RAF1: variants seen among roughly 807,000 people sequenced by gnomAD.
RAF1 encodes the protein Raf-1 proto-oncogene, serine/threonine kinase.
RAF1 carries 27 observed loss-of-function variants against 81.1 expected under a neutral mutation model. That is an observed-to-expected ratio of 0.33 (90% CI 0.25 to 0.46). The LOEUF is 0.46. RAF1 is among the 20% of genes least tolerant of loss of function. The pLI is 1.00. For synonymous variants in RAF1, 298 were observed against 294.0 expected (o/e 1.01, Z -0.14); for missense variants, 598 against 826.0 (o/e 0.72, Z 3.38).
chr3:12,590,750 A>G (rs1024096175), intron 13 of RAF1, 48 bp downstream of exon 12: 15 of 1,555,676 alleles, frequency 9.6e-6, no homozygotes, highest in Non-Finnish European at 1.3e-5. Flanking sequence ...CAATTTAGGG[A>G]CAAATTTGAT....
chr3:12,635,841 C>G (rs796857473), intron 1 of RAF1, among the ~76,000 whole-genome samples: 1 of 149,438 alleles, frequency 6.7e-6, no homozygotes, highest in African/African-American at 2.5e-5. Context: ...GGCGTGGTGG[C>G]AGGCACCTGT....
intron 1 of RAF1, among the ~76,000 whole-genome samples, chr3:12,639,517 A>G (rs1240114401): frequency 6.6e-6 from 1 of 152,226 alleles, no homozygotes; most frequent in Non-Finnish European, 1.5e-5. Flanking sequence ...AGGCAACTTC[A>G]GCAAAGTCTC....
chr3:12,593,900 G>A (rs1294265286), intron 11 of RAF1, among the ~76,000 whole-genome samples: 1 of 151,684 alleles, frequency 6.6e-6, no homozygotes, highest in South Asian at 2.1e-4. Context: ...AAGCAGCTGG[G>A]ACTACAGGTG....
chr3:12,627,021 CAAAAA>C (rs34692000), intron 1 of RAF1, among the ~76,000 whole-genome samples: 1 of 77,018 alleles, frequency 1.3e-5, no homozygotes. Context: ...GACTCTGTCT[CAAAAA>C]AAAAAAAAAA....
rs727503384 is a variant in RAF1, at chr3:12,611,985, G to A, written c.285C>T (p.Cys95=). The A allele has an allele frequency of 6.2e-7, 1 of 1,614,138 alleles. No homozygotes were observed. The highest frequency in any genetic ancestry group is 8.5e-7 in the Non-Finnish European group (1 of 1,180,004). Residue 95 remains cysteine (C), a synonymous_variant, in exon 3 of 18, where the codon TGC becomes TGT. Transcript: ENST00000442415. ...CGTGGAGAAGTCTGAACACTGCACA[G>A]CACTCTGGTTGCAGGCCCCTCACCT...
chr3:12,661,207 A>T (rs1015871362), intron 1 of RAF1, among the ~76,000 whole-genome samples: 9 of 152,242 alleles, frequency 5.9e-5, no homozygotes, highest in African/African-American at 1.9e-4. Flanking sequence ...ATAAACATTA[A>T]TCACAATATT....
At position 12,663,900 on chromosome 3, in the gene RAF1, A is replaced by T. The variant is rs2060966473; in HGVS notation, c.-114T>A. On this transcript the variant is annotated 5_prime_UTR_variant, in exon 1 of 18. Transcript: ENST00000442415. ...TCCCCGCGGCGGGTGAGGGAGCGGG[A>T]GGCGGTCACATTCGGCGCGTCCCCA... The T allele has an allele frequency of 2.5e-6, 1 of 397,944 alleles. No individual in the cohort carries two copies. Among genetic ancestry groups the T allele is most frequent in the Non-Finnish European group, 4.4e-6 (1 of 225,702 alleles). The allele number at this position is 397,944 out of a possible 1,614,324, so 24.7% of individuals were successfully genotyped here.
chr3:12,650,206 C>T (rs922851095), intron 1 of RAF1, among the ~76,000 whole-genome samples: 7 of 149,350 alleles, frequency 4.7e-5, no homozygotes, highest in Admixed American at 1.3e-4. Context: ...TGCCTACAGT[C>T]CCAGCTACTC....
chr3:12,618,662 G>C lies in RAF1; in HGVS notation c.60C>G (p.Ala20=), dbSNP rs755869970. ...AGATGCAGCTGGAGCCATCAAACAC[G>C]GCATCTTTGAATCCAAAACCATTGC... The change falls in exon 2 of 18, where the codon GCC becomes GCG. Residue 20 remains alanine (A), a synonymous_variant. Transcript: ENST00000442415. The C allele has an allele frequency of 1.9e-6, 3 of 1,613,968 alleles. No homozygotes were observed. Among genetic ancestry groups the C allele is most frequent in the Admixed American group, 3.3e-5 (2 of 59,970 alleles).
Position 12,655,010 on chromosome 3 carries a change from C to G in RAF1, c.-27+8803G>C, listed in dbSNP as rs189329575. 4.7e-3 allele frequency among the ~76,000 whole-genome samples: 708 copies of G among 149,348 alleles called. 15 individuals carry two copies. The highest frequency in any genetic ancestry group is 0.016 in the African/African-American group (656 of 40,960). On this transcript the variant is annotated intron_variant, in intron 1 of 17. Transcript: ENST00000442415. ...GGTAAACATAGTGAGACCCCCCCCC[C>G]GCCATCTCTAAAATAGTAAAAATAA...
rs1559434035 is a variant in RAF1, at chr3:12,609,214, G to T, written c.423+19C>A. The T allele has an allele frequency of 6.4e-7, 1 of 1,565,244 alleles. No individual in the cohort carries two copies. The highest frequency in any genetic ancestry group is 1.1e-5 in the South Asian group (1 of 89,988). On this transcript the variant is annotated intron_variant, in intron 4 of 17. Coordinates refer to ENST00000442415, the MANE Select transcript of RAF1 (RefSeq NM_001354689.3). ...CAAAGCCCTCAACATGCCAGAAAGA[G>T]AAGAGATCTGCAACTTACAAAGTTG...
chr3:12,663,333 T>C (rs1006657627), intron 1 of RAF1, among the ~76,000 whole-genome samples: 7 of 152,172 alleles, frequency 4.6e-5, no homozygotes, highest in Non-Finnish European at 1.0e-4. Flanking sequence ...CCTGTGCCTT[T>C]GTGGTAGGGC....
In RAF1 at chr3:12,584,533, G is replaced by T. The variant is rs1382398408; in HGVS notation, c.1988C>A (p.Pro663Gln). Residue 663 changes from proline to glutamine, a missense_variant, in exon 18 of 18, where the codon CCG (proline) becomes CAG (glutamine). Physicochemically the swap from Pro to Gln is moderately conservative, Grantham distance 76. Around this residue, in one of 5 missense-constraint regions of RAF1, gnomAD observed 147 missense variants for 196.1 expected, o/e 0.75. Transcript: ENST00000442415. The stretch of plus-strand genomic sequence containing the variant: ...AGTCAACTAGAAGACAGGCAGCCTC[G>T]GGGACGTGGTCAGCGTGCAAGCATT... The T allele has an allele frequency of 6.2e-7, 1 of 1,614,158 alleles. No individual in the cohort carries two copies. The highest frequency in any genetic ancestry group is 8.5e-7 in the Non-Finnish European group (1 of 1,180,032).
At chr3:12,636,736 G>A (rs908766494) in intron 1 of RAF1, among the ~76,000 whole-genome samples, 1 of 152,028 alleles carries the variant, frequency 6.6e-6, no homozygotes, top group Non-Finnish European at 1.5e-5. Flanking sequence ...GAGCCTGGGA[G>A]GTGGAGGCTG....
At chr3:12,651,645 C>T (rs1249599817) in intron 1 of RAF1, among the ~76,000 whole-genome samples, 2 of 133,532 alleles carry the variant, frequency 1.5e-5, no homozygotes, top group Non-Finnish European at 3.3e-5. Flanking sequence ...TAGAGCGAGA[C>T]TTGGTCTCAA....
intron 1 of RAF1, among the ~76,000 whole-genome samples, chr3:12,625,485 T>C (rs956241864): frequency 1.3e-5 from 2 of 152,198 alleles, no homozygotes; most frequent in Non-Finnish European, 2.9e-5. Flanking sequence ...AATCTAATAG[T>C]ATCTATTAAC....
chr3:12,654,267 C>A (rs1260526124), intron 1 of RAF1, among the ~76,000 whole-genome samples: 1 of 151,420 alleles, frequency 6.6e-6, no homozygotes, highest in East Asian at 2.0e-4. Flanking sequence ...GGATTATAGG[C>A]ATGAGCCACA....
At chr3:12,658,680 C>T (rs1346278427) in intron 1 of RAF1, among the ~76,000 whole-genome samples, 2 of 152,146 alleles carry the variant, frequency 1.3e-5, no homozygotes, top group African/African-American at 4.8e-5. Flanking sequence ...AAAATGTAAA[C>T]AACCTCTAAA....
intron 1 of RAF1, among the ~76,000 whole-genome samples, chr3:12,625,988 G>A (rs1310892478): frequency 3.3e-5 from 5 of 151,738 alleles, no homozygotes; most frequent in African/African-American, 1.2e-4. Context: ...AAAGTAGGCC[G>A]GGCGCAGTGG....
Sources: gnomAD v4.1 joint callset for allele counts (sites outside exome capture counted in the v4.1 genomes callset) on GRCh38, gnomAD v4.1.1 for gene constraint, gnomAD v4.1.1 regional missense constraint, MANE v1.5 for transcripts, NCBI Gene and HGNC (gene_info 2026-07-23, HGNC 2026-07-21) for gene names.